TCF21: variants seen among roughly 807,000 people sequenced by gnomAD.
TCF21 encodes transcription factor 21.
Under a neutral mutation model 13.5 loss-of-function variants are expected in TCF21, and 3 were observed. The ratio of observed to expected loss-of-function variants is 0.22; its 90% confidence interval spans 0.10 to 0.57. The LOEUF (loss-of-function observed/expected upper bound fraction) is 0.57. Ranked by LOEUF, TCF21 falls within the 20% of genes least tolerant of loss-of-function variation. The pLI, the probability that TCF21 is intolerant of heterozygous loss-of-function variation, is 0.92. For missense variants in TCF21, 181 were observed against 238.4 expected, an observed-to-expected ratio of 0.76 and a Z score of 1.59; for synonymous variants, 92 against 101.7, an observed-to-expected ratio of 0.90 and a Z score of 0.57.
In TCF21 at chr6:133,889,340, T is replaced by A. The variant is rs1396439706; in HGVS notation, c.-58T>A. 8 of 1,600,726 alleles carry A rather than the reference T, an allele frequency of 5.0e-6. No homozygotes were observed. The highest frequency in any genetic ancestry group is 6.8e-6 in the Non-Finnish European group (8 of 1,174,308). Reference sequence around the variant, plus strand: ...CTCTGTCTCTCTCTCACCCTCTTCCTCGCTTTCTCTGTCTCTCTGTCTCTC... The same window carrying A: ...CTCTGTCTCTCTCTCACCCTCTTCCACGCTTTCTCTGTCTCTCTGTCTCTC... On this transcript the variant is annotated 5_prime_UTR_variant, in exon 1 of 2. Coordinates refer to ENST00000367882, the MANE Select transcript of TCF21 (RefSeq NM_003206.4). This position sits in a 1 kb window ranked among gnomAD's most constrained non-coding sequence, Gnocchi z 5.1.
At chr6:133,890,769 G>A (rs113036223) in intron 1 of TCF21, among the ~76,000 whole-genome samples, 1 of 152,108 alleles carries the variant, frequency 6.6e-6, no homozygotes, top group Non-Finnish European at 1.5e-5. Context: ...CTTTTAAAAG[G>A]CAAGTCTTAT....
rs1446315128 is a variant in TCF21 at position 133,889,473 on chromosome 6, G to A, written c.76G>A (p.Asp26Asn). ...EMLECDGLKMDSNKEFVTSNE... is the reference protein window; with the variant it reads ...EMLECDGLKMNSNKEFVTSNE... ...GTTGGAATGTGACGGGTTGAAAATG[G>A]ATTCGAACAAGGAATTTGTGACTTC... Residue 26 changes from aspartate (D) to asparagine (N), a missense_variant, in exon 1 of 2, where the codon GAT (aspartate) becomes AAT (asparagine). Coordinates refer to ENST00000367882, the MANE Select transcript of TCF21 (RefSeq NM_003206.4). The surrounding 1 kb of genome is among the most constrained non-coding windows in gnomAD (Gnocchi z 5.1). 2.5e-6 allele frequency: 4 copies of A among 1,613,998 alleles called. No individual in the cohort carries two copies. The African/African-American group carries it at 4.0e-5, about 16-fold the overall frequency.
chr6:133,891,483 G>C (rs1775216092), intron 1 of TCF21, among the ~76,000 whole-genome samples: 1 of 152,204 alleles, frequency 6.6e-6, no homozygotes, highest in African/African-American at 2.4e-5. Flanking sequence ...CATTCTAAAA[G>C]ACCACCACCA....
intron 1 of TCF21, among the ~76,000 whole-genome samples, chr6:133,891,237 A>G (rs184374819): frequency 1.3e-5 from 2 of 152,356 alleles, no homozygotes; most frequent in African/African-American, 4.8e-5. Flanking sequence ...ATGAAAGGCG[A>G]TGAAAGCGAC....
In TCF21 at chr6:133,891,980, C is replaced by T. The variant is rs1775226922; in HGVS notation, c.*178C>T. 4.9e-6 allele frequency: 3 copies of T among 611,292 alleles called. No individual in the cohort carries two copies. In the East Asian group the frequency reaches 8.4e-5, roughly 17 times the overall value. 37.9% of individuals were successfully genotyped at this position (611,292 alleles called of 1,614,324 possible). A position where few individuals can be genotyped will look rare whatever the true frequency, so the allele number is the denominator to read the frequency against. ...GATTCGTTTCCAAACCAGAGGAGAT[C>T]AATTGTACTTACAAAGATTCCCATC... is the stretch of plus-strand genomic sequence containing the variant. On this transcript the variant is annotated 3_prime_UTR_variant, in exon 2 of 2. Transcript: ENST00000367882.
At chr6:133,891,098 CTTAAA>C (rs939369501) in intron 1 of TCF21, among the ~76,000 whole-genome samples, 32 of 152,302 alleles carry the variant, frequency 2.1e-4, no homozygotes, top group African/African-American at 7.7e-4. Flanking sequence ...TGAAGACGAT[CTTAAA>C]TTAAAAGTCA....
At chr6:133,893,007 A>C (rs980211254), downstream of TCF21, 1 of 152,228 alleles carries the variant, frequency 6.6e-6, no homozygotes, top group South Asian at 2.1e-4. Flanking sequence ...GCCAGATGCC[A>C]CCGGGGCTGT....
Position 133,891,952 on chromosome 6 carries a change from G to A in TCF21, c.*150G>A. On this transcript the variant is annotated 3_prime_UTR_variant, in exon 2 of 2. Coordinates refer to ENST00000367882, the MANE Select transcript of TCF21 (RefSeq NM_003206.4). Reference sequence around the variant, plus strand: ...CCGCGAGAACACTTTACAACGACGAGGAGATTCGTTTCCAAACCAGAGGAG... The same window carrying A: ...CCGCGAGAACACTTTACAACGACGAAGAGATTCGTTTCCAAACCAGAGGAG... The A allele has an allele frequency of 1.4e-6, 1 of 740,704 alleles. No individual in the cohort carries two copies. Among genetic ancestry groups the A allele is most frequent in the Non-Finnish European group, 2.2e-6 (1 of 459,080 alleles). The allele number at this position is 740,704 out of a possible 1,614,324, so 45.9% of individuals were successfully genotyped here.
Position 133,889,197 on chromosome 6 carries a change from G to C in TCF21, c.-201G>C, listed in dbSNP as rs561971771. 3.7e-4 allele frequency: 233 copies of C among 632,974 alleles called. No individual in the cohort carries two copies. The highest frequency in any genetic ancestry group is 2.1e-3 in the Middle Eastern group (5 of 2,350). The allele number at this position is 632,974 out of a possible 1,614,324, so 39.2% of individuals were successfully genotyped here. ...TTCCTCTGCTGCAGAAGTCCTCGGG[G>C]TTCCTTCTCACAACTCTGCGAAGGG... is the stretch of plus-strand genomic sequence containing the variant. On this transcript the variant is annotated 5_prime_UTR_variant, in exon 1 of 2. Transcript: ENST00000367882. This position sits in a 1 kb window ranked among gnomAD's most constrained non-coding sequence, Gnocchi z 5.1.
At position 133,891,849 on chromosome 6, in the gene TCF21, G is replaced by T; in HGVS notation, c.*47G>T. On this transcript the variant is annotated 3_prime_UTR_variant, in exon 2 of 2. Coordinates refer to ENST00000367882, the MANE Select transcript of TCF21 (RefSeq NM_003206.4). ...AAAGGCGCGCTCCCGGGGGGAGCGG[G>T]CCCCGGGAAGGCGACCCCTGCCCTC... 6.2e-7 allele frequency: 1 copy of T among 1,602,030 alleles called. No individual in the cohort carries two copies. The highest frequency in any genetic ancestry group is 1.3e-5 in the African/African-American group (1 of 74,634).
chr6:133,890,827 C>A (rs1031001728), intron 1 of TCF21, among the ~76,000 whole-genome samples: 6 of 152,194 alleles, frequency 3.9e-5, no homozygotes, highest in Non-Finnish European at 7.3e-5. Flanking sequence ...TGTCTTCTCA[C>A]CGAATTGGTT....
At chr6:133,890,920 T>TC (rs541411760) in intron 1 of TCF21, among the ~76,000 whole-genome samples, 28 of 152,186 alleles carry the variant, frequency 1.8e-4, no homozygotes, top group South Asian at 1.2e-3. Flanking sequence ...TTGGGGTTTT[T>TC]CCCCCCCAAT....
chr6:133,891,768 C>G lies in TCF21; in HGVS notation c.506C>G (p.Thr169Ser). Residue 169 changes from threonine to serine, a missense_variant, in exon 2 of 2, where the codon ACC (threonine) becomes AGC (serine). Coordinates refer to ENST00000367882, the MANE Select transcript of TCF21 (RefSeq NM_003206.4). ...GAGAGTGACCTGAAAGAAGTGGTGA[C>G]CGCGAGCCGCTTATGTGGAACCACC... ...KPESDLKEVVTASRLCGTTAS is the reference protein window; with the variant it reads ...KPESDLKEVVSASRLCGTTAS 2 of 1,613,988 alleles carry G rather than the reference C, an allele frequency of 1.2e-6. No homozygotes were observed. Among genetic ancestry groups the G allele is most frequent in the South Asian group, 2.2e-5 (2 of 91,074 alleles).
In TCF21 at chr6:133,891,903, C is replaced by T; in HGVS notation, c.*101C>T. The T allele has an allele frequency of 4.9e-6, 6 of 1,215,036 alleles. No homozygotes were observed. Among genetic ancestry groups the T allele is most frequent in the Non-Finnish European group, 5.9e-6 (5 of 852,338 alleles). The allele number at this position is 1,215,036 out of a possible 1,614,324, so 75.3% of individuals were successfully genotyped here. The stretch of plus-strand genomic sequence containing the variant: ...GCTCTCTGTCTCTGCTTCCCCCTCG[C>T]AATGCTCCTCTCTCTGTCCCACCCC... On this transcript the variant is annotated 3_prime_UTR_variant, in exon 2 of 2. Transcript: ENST00000367882.
Position 133,889,157 on chromosome 6 carries a change from G to C in TCF21, c.-241G>C. On this transcript the variant is annotated 5_prime_UTR_variant, in exon 1 of 2. Coordinates refer to ENST00000367882, the MANE Select transcript of TCF21 (RefSeq NM_003206.4). This position sits in a 1 kb window ranked among gnomAD's most constrained non-coding sequence, Gnocchi z 5.1. Reference sequence around the variant, plus strand: ...CTACGGCCACGACTCTGGGAGTGGGGAAACAGAGAGCCGGTTCCTCTGCTG... The same window carrying C: ...CTACGGCCACGACTCTGGGAGTGGGCAAACAGAGAGCCGGTTCCTCTGCTG... The C allele has an allele frequency of 3.5e-6, 2 of 577,464 alleles. No individual in the cohort carries two copies. The highest frequency in any genetic ancestry group is 2.0e-5 in the South Asian group (1 of 49,772). 35.8% of individuals were successfully genotyped at this position (577,464 alleles called of 1,614,324 possible).
At chr6:133,895,167 C>T (rs1322707840), downstream of TCF21, 2 of 152,132 alleles carry the variant, frequency 1.3e-5, no homozygotes, top group African/African-American at 2.4e-5. Flanking sequence ...TATATATTTA[C>T]TGATTAGTGG....
At chr6:133,892,743 A>G (rs1174972641), downstream of TCF21, 1 of 152,240 alleles carries the variant, frequency 6.6e-6, no homozygotes. Context: ...TGCAGCATAC[A>G]TTATCTACAT....
chr6:133,892,112 C>T lies in TCF21; in HGVS notation c.*310C>T. On this transcript the variant is annotated 3_prime_UTR_variant, in exon 2 of 2. Transcript: ENST00000367882. The stretch of plus-strand genomic sequence containing the variant: ...AATAGATAAGAGCCTATCAATGTAT[C>T]TTTTGTACAATATGTTGTAAAATGT... The T allele has an allele frequency of 4.2e-6, 1 of 235,694 alleles. No individual in the cohort carries two copies. Among genetic ancestry groups the T allele is most frequent in the East Asian group, 7.7e-5 (1 of 13,036 alleles). 14.6% of individuals were successfully genotyped at this position (235,694 alleles called of 1,614,324 possible). A position where few individuals can be genotyped will look rare whatever the true frequency, so the allele number is the denominator to read the frequency against.
chr6:133,891,848 G>C lies in TCF21; in HGVS notation c.*46G>C. 1 of 1,601,346 alleles carries C rather than the reference G, an allele frequency of 6.2e-7. No individual in the cohort carries two copies. Among genetic ancestry groups the C allele is most frequent in the Non-Finnish European group, 8.5e-7 (1 of 1,170,626 alleles). On this transcript the variant is annotated 3_prime_UTR_variant, in exon 2 of 2. Coordinates refer to ENST00000367882, the MANE Select transcript of TCF21 (RefSeq NM_003206.4). The stretch of plus-strand genomic sequence containing the variant: ...GAAAGGCGCGCTCCCGGGGGGAGCG[G>C]GCCCCGGGAAGGCGACCCCTGCCCT...
Sources: allele counts gnomAD v4.1 joint callset (sites outside exome capture counted in the v4.1 genomes callset), GRCh38; gene constraint gnomAD v4.1.1; non-coding constraint Gnocchi (gnomAD v3.1); transcripts MANE v1.5; gene names NCBI Gene and HGNC (gene_info 2026-07-23, HGNC 2026-07-21).